Variants in PPFIA2 observed in about 807,000 individuals in gnomAD.
PPFIA2 encodes the protein PPFI scaffold protein A2.
In PPFIA2, 46 loss-of-function variants were observed where a neutral mutation model predicts 175.5. The ratio of observed to expected loss-of-function variants is 0.26; its 90% CI spans 0.21 to 0.34. The LOEUF is 0.34. PPFIA2 is among the 10% of genes least tolerant of loss of function. The pLI is 1.00. For missense variants in PPFIA2, 1,179 were observed against 1,506.1 expected, an observed-to-expected ratio of 0.78 and a Z score of 3.60; for synonymous variants, 568 against 511.4, an observed-to-expected ratio of 1.11 and a Z score of -1.49.
intron 21 of PPFIA2, among the ~76,000 whole-genome samples, chr12:81,338,517 A>G (rs2057484213): frequency 6.6e-6 from 1 of 152,128 alleles, no homozygotes; most frequent in Non-Finnish European, 1.5e-5. Flanking sequence ...TTATAACACA[A>G]TATCTATTGC....
At chr12:81,753,875 T>A in intron 3 of PPFIA2, 98 bp downstream of exon 3, 1 of 1,428,958 alleles carries the variant, frequency 7.0e-7, no homozygotes, top group South Asian at 1.3e-5. Context: ...GTGTATCACA[T>A]ATGTTAAGTG....
chr12:81,734,471 A>G (rs17008944), intron 3 of PPFIA2, among the ~76,000 whole-genome samples: 2,484 of 151,878 alleles, frequency 0.016, 106 homozygotes, highest in East Asian at 0.14. Flanking sequence ...TGAAGACATA[A>G]TAAGAAGCTT....
At chr12:81,628,019 G>A (rs2062926844) in intron 4 of PPFIA2, among the ~76,000 whole-genome samples, 1 of 152,086 alleles carries the variant, frequency 6.6e-6, no homozygotes, top group South Asian at 2.1e-4. Flanking sequence ...GTATATGAGA[G>A]TTTGCTATGA....
intron 3 of PPFIA2, among the ~76,000 whole-genome samples, chr12:81,732,892 C>T (rs1001596360): frequency 6.6e-6 from 1 of 151,256 alleles, no homozygotes; most frequent in African/African-American, 2.4e-5. Flanking sequence ...TACAAGGAAA[C>T]AACTTCCAAG....
At chr12:81,308,637 T>A (rs2049956457) in intron 22 of PPFIA2, among the ~76,000 whole-genome samples, 1 of 152,214 alleles carries the variant, frequency 6.6e-6, no homozygotes, top group African/African-American at 2.4e-5. Flanking sequence ...GGTTCATTTG[T>A]TTTTAGAAGT....
intron 18 of PPFIA2, among the ~76,000 whole-genome samples, chr12:81,347,107 C>A (rs967461125): frequency 2.2e-5 from 3 of 133,878 alleles, no homozygotes; most frequent in African/African-American, 9.9e-5. Flanking sequence ...TAATTTTTTT[C>A]TTTTTCTCTT....
chr12:81,466,394 G>A (rs2055631394), intron 4 of PPFIA2, among the ~76,000 whole-genome samples: 1 of 152,096 alleles, frequency 6.6e-6, no homozygotes, highest in Non-Finnish European at 1.5e-5. Context: ...TGGATACTTA[G>A]TAACTTTTGT....
intron 3 of PPFIA2, among the ~76,000 whole-genome samples, chr12:81,713,688 T>C (rs2078234118): frequency 1.3e-5 from 2 of 151,244 alleles, no homozygotes; most frequent in Non-Finnish European, 2.9e-5. Flanking sequence ...CTTGCTAATG[T>C]AGGTATCCTA....
At chr12:81,548,874 T>C (rs2067419170) in intron 4 of PPFIA2, among the ~76,000 whole-genome samples, 1 of 152,138 alleles carries the variant, frequency 6.6e-6, no homozygotes, top group South Asian at 2.1e-4. Context: ...TTTTTGCCCA[T>C]TTGGAATAGA....
chr12:81,725,831 A>T (rs970461913), intron 3 of PPFIA2, among the ~76,000 whole-genome samples: 1 of 151,028 alleles, frequency 6.6e-6, no homozygotes, highest in Non-Finnish European at 1.5e-5. Context: ...GGTAAATAAT[A>T]GATACCATAA....
At chr12:81,583,463 A>C (rs1292767888) in intron 4 of PPFIA2, among the ~76,000 whole-genome samples, 2 of 151,874 alleles carry the variant, frequency 1.3e-5, no homozygotes, top group Middle Eastern at 3.2e-3. Context: ...CTATCAATAA[A>C]TACAGTAAAG....
chr12:81,624,060 A>G (rs1339221611), intron 4 of PPFIA2, among the ~76,000 whole-genome samples: 1 of 151,976 alleles, frequency 6.6e-6, no homozygotes. Context: ...AATGGTGAAT[A>G]GGAAAGCACA....
chr12:81,324,560 G>A (rs534763932), intron 22 of PPFIA2, among the ~76,000 whole-genome samples: 68 of 151,938 alleles, frequency 4.5e-4, no homozygotes, highest in African/African-American at 1.6e-3. Flanking sequence ...TCTTAACAAA[G>A]GAAAGTATTT....
intron 9 of PPFIA2, among the ~76,000 whole-genome samples, chr12:81,382,310 T>C (rs115110609): frequency 3.2e-4 from 48 of 152,260 alleles, no homozygotes; most frequent in African/African-American, 1.1e-3. Flanking sequence ...AGATTGTACA[T>C]GGCTTGTAGA....
intron 15 of PPFIA2, among the ~76,000 whole-genome samples, chr12:81,358,977 T>C (rs1167208046): frequency 6.6e-6 from 1 of 152,054 alleles, no homozygotes; most frequent in Non-Finnish European, 1.5e-5. Flanking sequence ...AACATGGTAA[T>C]AAAGTACCCT....
chr12:81,484,770 G>A (rs2058637823), intron 4 of PPFIA2, among the ~76,000 whole-genome samples: 1 of 151,714 alleles, frequency 6.6e-6, no homozygotes, highest in Non-Finnish European at 1.5e-5. Context: ...AATAAAAATA[G>A]CATTGCTAAT....
At chr12:81,413,022 A>G (rs1415789023) in intron 7 of PPFIA2, among the ~76,000 whole-genome samples, 1 of 151,852 alleles carries the variant, frequency 6.6e-6, no homozygotes, top group African/African-American at 2.4e-5. Context: ...CTTTCAGATG[A>G]ATTCGGGGAC....
intron 4 of PPFIA2, among the ~76,000 whole-genome samples, chr12:81,603,367 G>T (rs555707635): frequency 5.4e-4 from 82 of 151,774 alleles, no homozygotes; most frequent in Non-Finnish European, 1.0e-4. Flanking sequence ...AAAGAAGAAC[G>T]ATCAATCATT....
chr12:81,585,869 T>C (rs2075238556), intron 4 of PPFIA2, among the ~76,000 whole-genome samples: 1 of 151,980 alleles, frequency 6.6e-6, no homozygotes. Flanking sequence ...GCTATACTTT[T>C]ATATGACTTG....
Sources: gnomAD v4.1 joint callset for allele counts (sites outside exome capture counted in the v4.1 genomes callset) on GRCh38, gnomAD v4.1.1 for gene constraint, MANE v1.5 for transcripts, NCBI Gene and HGNC (gene_info 2026-07-23, HGNC 2026-07-21) for gene names.